RORB: variants seen among roughly 807,000 people sequenced by gnomAD.
The protein encoded by RORB is RAR related orphan receptor B.
Under a neutral mutation model 59.1 loss-of-function variants are expected in RORB, and 6 were observed. That is an observed-to-expected ratio of 0.10 (90% confidence interval 0.06 to 0.20). RORB has a LOEUF of 0.20. RORB is among the 10% of genes least tolerant of loss of function. The probability of loss-of-function intolerance (pLI) is 1.00; values close to 1 mark genes in which losing one functional copy is unlikely to be tolerated. For missense variants in RORB, 320 were observed against 560.5 expected (o/e 0.57, Z 4.33); for synonymous variants, 215 against 204.5 (o/e 1.05, Z -0.44).
intron 6 of RORB, among the ~76,000 whole-genome samples, chr9:74,663,630 C>A (rs73650031): frequency 0.035 from 5,381 of 152,270 alleles, 312 homozygotes; most frequent in African/African-American, 0.12. Flanking sequence ...TTGGGCAGGG[C>A]TCAGTGGGAG....
At chr9:74,603,912 T>C (rs1324951362) in intron 1 of RORB, among the ~76,000 whole-genome samples, 3 of 152,164 alleles carry the variant, frequency 2.0e-5, no homozygotes, top group Non-Finnish European at 2.9e-5. Context: ...TGTAATAATA[T>C]ATTAAAAGGT....
chr9:74,624,631 A>G (rs556396593), intron 1 of RORB, among the ~76,000 whole-genome samples: 2 of 152,304 alleles, frequency 1.3e-5, no homozygotes, highest in East Asian at 1.9e-4. Context: ...TGGCTTTGTT[A>G]TTAGGTGACA....
At chr9:74,591,452 C>T (rs1253261663) in intron 1 of RORB, among the ~76,000 whole-genome samples, 1 of 152,158 alleles carries the variant, frequency 6.6e-6, no homozygotes, top group African/African-American at 2.4e-5. Context: ...AAGTTACACA[C>T]ACTGTAGTTA....
chr9:74,563,992 G>A (rs1260255250), intron 1 of RORB, among the ~76,000 whole-genome samples: 1 of 152,188 alleles, frequency 6.6e-6, no homozygotes, highest in Non-Finnish European at 1.5e-5. Flanking sequence ...TGCAGCTGTA[G>A]GCAAATGGAG....
chr9:74,527,440 A>C (rs1007360394), intron 1 of RORB, among the ~76,000 whole-genome samples: 3 of 152,050 alleles, frequency 2.0e-5, no homozygotes, highest in African/African-American at 7.2e-5. Context: ...TCAGTAATTT[A>C]AAAACAAGTA....
At chr9:74,562,238 A>C (rs1351366079) in intron 1 of RORB, among the ~76,000 whole-genome samples, 1 of 152,198 alleles carries the variant, frequency 6.6e-6, no homozygotes, top group Non-Finnish European at 1.5e-5. Context: ...TATATGTCAG[A>C]TGTAACTCCG....
intron 1 of RORB, among the ~76,000 whole-genome samples, chr9:74,585,855 A>C (rs1009961126): frequency 1.3e-5 from 2 of 149,204 alleles, no homozygotes; most frequent in African/African-American, 4.9e-5. Flanking sequence ...AGTGCAGTGG[A>C]GCGATCTCGG....
At chr9:74,659,937 A>G (rs1374945168) in intron 4 of RORB, among the ~76,000 whole-genome samples, 1 of 152,068 alleles carries the variant, frequency 6.6e-6, no homozygotes, top group Non-Finnish European at 1.5e-5. Flanking sequence ...TTATATAAAA[A>G]ATTAAAAAGG....
intron 1 of RORB, among the ~76,000 whole-genome samples, chr9:74,545,763 G>A (rs1205534759): frequency 6.6e-6 from 1 of 151,838 alleles, no homozygotes; most frequent in Admixed American, 6.6e-5. Flanking sequence ...ATATTAACCT[G>A]CTATATGGAA....
chr9:74,532,870 G>A (rs10869414), intron 1 of RORB, among the ~76,000 whole-genome samples: 41,908 of 138,790 alleles, frequency 0.3, 6,219 homozygotes, highest in Admixed American at 0.4. Context: ...ATGTGTGTGT[G>A]TGTATATATA....
intron 1 of RORB, among the ~76,000 whole-genome samples, chr9:74,605,927 T>A (rs904568236): frequency 1.3e-5 from 2 of 152,136 alleles, no homozygotes; most frequent in African/African-American, 2.4e-5. Flanking sequence ...CTCAGTAGAC[T>A]CGAGGTGGGT....
intron 1 of RORB, among the ~76,000 whole-genome samples, chr9:74,564,447 A>G (rs1822441085): frequency 6.6e-6 from 1 of 152,214 alleles, no homozygotes; most frequent in Admixed American, 6.5e-5. Flanking sequence ...CCCTTCTTGC[A>G]TCTACTTCCT....
At chr9:74,515,543 T>C (rs1825996919) in intron 1 of RORB, among the ~76,000 whole-genome samples, 1 of 152,024 alleles carries the variant, frequency 6.6e-6, no homozygotes, top group South Asian at 2.1e-4. Context: ...TTTCTCAAAC[T>C]TTACACATAA....
In RORB at chr9:74,681,021, C is replaced by T. The variant is rs115825728; in HGVS notation, c.1225-4442C>T. ...CCCCTGTAGGTATAAGCTAAAGCTC[C>T]CTTCTCATAAGAAATGCTTGTCATA... On this transcript the variant is annotated intron_variant, in intron 9 of 9. Coordinates refer to ENST00000376896, the MANE Select transcript of RORB (RefSeq NM_006914.4). 4.1e-3 allele frequency among the ~76,000 whole-genome samples: 621 copies of T among 152,154 alleles called. 4 individuals carry two copies. The highest frequency in any genetic ancestry group is 0.014 in the African/African-American group (565 of 41,500).
At chr9:74,656,473 C>A (rs11144040) in intron 4 of RORB, among the ~76,000 whole-genome samples, 2 of 152,178 alleles carry the variant, frequency 1.3e-5, no homozygotes, top group Admixed American at 6.5e-5. Flanking sequence ...TGGTGGCTCA[C>A]GCCTGTAATC....
intron 9 of RORB, among the ~76,000 whole-genome samples, chr9:74,679,031 C>CA (rs34377456): frequency 9.7e-4 from 102 of 105,404 alleles, no homozygotes; most frequent in South Asian, 3.4e-3. Flanking sequence ...GACTCTGTCT[C>CA]AAAAAAAAAA....
At chr9:74,536,145 G>T (rs530599943) in intron 1 of RORB, among the ~76,000 whole-genome samples, 1 of 152,112 alleles carries the variant, frequency 6.6e-6, no homozygotes, top group East Asian at 1.9e-4. Context: ...TCAGTTTATG[G>T]TTTATTATGA....
At chr9:74,569,496 A>G (rs753521149) in intron 1 of RORB, among the ~76,000 whole-genome samples, 4 of 152,102 alleles carry the variant, frequency 2.6e-5, no homozygotes, top group Non-Finnish European at 5.9e-5. Flanking sequence ...ATACCAAAAA[A>G]AGGAAAAAAT....
intron 1 of RORB, among the ~76,000 whole-genome samples, chr9:74,547,674 A>G (rs1466618349): frequency 6.6e-6 from 1 of 152,216 alleles, no homozygotes; most frequent in African/African-American, 2.4e-5. Context: ...GTAGGAGACC[A>G]CCCAATATGT....
Sources: allele counts gnomAD v4.1 joint callset (sites outside exome capture counted in the v4.1 genomes callset), GRCh38; gene constraint gnomAD v4.1.1; transcripts MANE v1.5; gene names NCBI Gene and HGNC (gene_info 2026-07-23, HGNC 2026-07-21).